SLC30A6: variants seen among roughly 807,000 people sequenced by gnomAD.
SLC30A6 encodes solute carrier family 30 member 6.
A neutral mutation model predicts 63.0 loss-of-function variants in SLC30A6; 55 were observed. The observed-to-expected ratio is 0.87, with a 90% CI of 0.70 to 1.09. SLC30A6 has a LOEUF of 1.09. Ranked by LOEUF, SLC30A6 falls within the 50% of genes least tolerant of loss-of-function variation. The pLI, the probability that SLC30A6 is intolerant of heterozygous loss-of-function variation, is 0.00. For synonymous variants in SLC30A6, 224 were observed against 186.1 expected (o/e 1.20, Z -1.66); for missense variants, 587 against 549.2 (o/e 1.07, Z -0.69).
In SLC30A6 at chr2:32,204,698, G is replaced by A. The variant is rs1178259505; in HGVS notation, c.768+6G>A. ...GTGGGAAAGTCTTACTCCAGGTAAG[G>A]TGCTTCTTCCAATGCACGTGCTTAA... On this transcript the variant is annotated splice_donor_region_variant and intron_variant, in intron 11 of 13. Coordinates refer to ENST00000282587, the MANE Select transcript of SLC30A6 (RefSeq NM_017964.5). 6 of 1,578,802 alleles carry A rather than the reference G, an allele frequency of 3.8e-6. No homozygotes were observed. The highest frequency in any genetic ancestry group is 5.2e-6 in the Non-Finnish European group (6 of 1,154,512).
intron 5 of SLC30A6, among the ~76,000 whole-genome samples, chr2:32,184,976 T>C (rs1174930744): frequency 1.3e-5 from 2 of 152,206 alleles, no homozygotes; most frequent in Non-Finnish European, 2.9e-5. Flanking sequence ...GTTAAATAAA[T>C]GTGATATAGT....
chr2:32,224,273 G>A lies in SLC30A6; in HGVS notation c.*3560G>A. ...TGACCCAGACCAAAGGTAACACAAA[G>A]ATGAATGAGAATTCCTTCAAGGCGC... On this transcript the variant is annotated 3_prime_UTR_variant, in exon 14 of 14. Transcript: ENST00000282587. 1.9e-6 allele frequency: 1 copy of A among 512,910 alleles called. No individual in the cohort carries two copies. The highest frequency in any genetic ancestry group is 3.1e-5 in the South Asian group (1 of 32,232). 31.8% of individuals were successfully genotyped at this position (512,910 alleles called of 1,614,324 possible). A position where few individuals can be genotyped will look rare whatever the true frequency, so the allele number is the denominator to read the frequency against.
intron 1 of SLC30A6, among the ~76,000 whole-genome samples, chr2:32,167,663 A>AACACAC (rs113548357): frequency 2.7e-5 from 4 of 150,660 alleles, no homozygotes; most frequent in African/African-American, 4.9e-5. Context: ...TATATGCACA[A>AACACAC]ACACACACAC....
At chr2:32,204,294 G>A (rs528008144) in intron 10 of SLC30A6, among the ~76,000 whole-genome samples, 138 of 152,156 alleles carry the variant, frequency 9.1e-4, no homozygotes, top group African/African-American at 3.3e-3. Flanking sequence ...CTAGTTGACA[G>A]ATAGTTTGAC....
chr2:32,194,614 GT>G (rs1239921371), intron 8 of SLC30A6, among the ~76,000 whole-genome samples: 1 of 152,192 alleles, frequency 6.6e-6, no homozygotes, highest in Non-Finnish European at 1.5e-5. Flanking sequence ...GAAAATAGAA[GT>G]GGGATGTGTG....
chr2:32,173,941 A>G, intron 2 of SLC30A6, 122 bp from the exon 3 acceptor site: 1 of 636,486 alleles, frequency 1.6e-6, no homozygotes, highest in Non-Finnish European at 2.5e-6. Context: ...AGTGTGACAC[A>G]GACTTTTTGA....
intron 5 of SLC30A6, among the ~76,000 whole-genome samples, chr2:32,187,806 G>T (rs1682969623): frequency 6.6e-6 from 1 of 152,224 alleles, no homozygotes; most frequent in African/African-American, 2.4e-5. Context: ...GTTGATTACT[G>T]TCTCTCATCA....
chr2:32,202,567 G>C (rs1684393219), intron 10 of SLC30A6: 1 of 378,774 alleles, frequency 2.6e-6, no homozygotes, highest in East Asian at 6.8e-5. Context: ...TCCTGACCTT[G>C]TGATCTGCCC....
At chr2:32,191,239 C>T (rs1056074050) in intron 5 of SLC30A6, among the ~76,000 whole-genome samples, 4 of 152,168 alleles carry the variant, frequency 2.6e-5, no homozygotes, top group African/African-American at 9.6e-5. Flanking sequence ...TTTATTTTTT[C>T]AGTAGCTGGA....
chr2:32,181,179 T>C (rs965614140), intron 4 of SLC30A6, among the ~76,000 whole-genome samples: 10 of 152,240 alleles, frequency 6.6e-5, no homozygotes, highest in Admixed American at 2.6e-4. Context: ...ATCAAACATA[T>C]TGAATGATTT....
At chr2:32,209,378 C>G in intron 12 of SLC30A6, 115 bp from the exon 13 acceptor site, 1 of 726,532 alleles carries the variant, frequency 1.4e-6, no homozygotes, top group Non-Finnish European at 2.3e-6. Context: ...AATGAGTGTC[C>G]TTGTGCAGGA....
At chr2:32,199,691 C>G (rs1450520510) in intron 10 of SLC30A6, among the ~76,000 whole-genome samples, 2 of 152,006 alleles carry the variant, frequency 1.3e-5, no homozygotes, top group Non-Finnish European at 2.9e-5. Context: ...CCCCCACATC[C>G]CCCCAATATT....
At position 32,204,613 on chromosome 2, in the gene SLC30A6, C is replaced by T; in HGVS notation, c.689C>T (p.Ala230Val). 1 of 1,611,132 alleles carries T rather than the reference C, an allele frequency of 6.2e-7. No homozygotes were observed. Among genetic ancestry groups the T allele is most frequent in the Non-Finnish European group, 8.5e-7 (1 of 1,178,244 alleles). ...EINNYFAVDT[A>V]SAIAIALMTF... ...AGTAATTATTTTGCCGTAGACACTG[C>T]CTCTGCTATAGCTATTGCCTTGATG... Residue 230 changes from alanine (A) to valine (V), a missense_variant, in exon 11 of 14, where the codon GCC (alanine) becomes GTC (valine). By Grantham distance (64) the Ala-to-Val change is moderately conservative. Transcript: ENST00000282587.
rs377463028 is a variant in SLC30A6, at chr2:32,173,581, A to G, written c.91-482A>G. ...GAGACGGGGTTTCACCATGTTGGCT[A>G]GGCTGATCTTGAACTCCTGACCTCC... On this transcript the variant is annotated intron_variant, in intron 2 of 13. Coordinates refer to ENST00000282587, the MANE Select transcript of SLC30A6 (RefSeq NM_017964.5). Among the ~76,000 whole-genome samples, 27 of 152,210 alleles carry G rather than the reference A, an allele frequency of 1.8e-4. No individual in the cohort carries two copies. In the South Asian group the frequency reaches 4.8e-3, roughly 27 times the overall value.
chr2:32,182,590 A>G (rs751416341), intron 4 of SLC30A6, among the ~76,000 whole-genome samples: 5 of 152,174 alleles, frequency 3.3e-5, no homozygotes, highest in Non-Finnish European at 5.9e-5. Context: ...GTAAGAATCA[A>G]ACTTCTCTTT....
chr2:32,190,913 G>A (rs1427795954), intron 5 of SLC30A6, among the ~76,000 whole-genome samples: 2 of 152,156 alleles, frequency 1.3e-5, no homozygotes, highest in South Asian at 2.1e-4. Flanking sequence ...GTGAGTCACC[G>A]CGCCTGGCTC....
At chr2:32,193,739 T>A (rs212751) in intron 7 of SLC30A6, 150 bp from the exon 8 acceptor site, 423,717 of 599,724 alleles carry the variant, frequency 0.71, 151,525 homozygotes, top group African/African-American at 0.79. Flanking sequence ...ATGGGGCTAG[T>A]AACTAAGTTC....
At chr2:32,183,167 A>C (rs763008572) in intron 4 of SLC30A6, among the ~76,000 whole-genome samples, 2 of 151,994 alleles carry the variant, frequency 1.3e-5, no homozygotes, top group Non-Finnish European at 2.9e-5. Flanking sequence ...AGCCTGGGCG[A>C]TAGAGTGAGA....
Position 32,204,690 on chromosome 2 carries a change from C to G in SLC30A6, c.766C>G (p.Gln256Glu). ...TGTGTACAGTGGGAAAGTCTTACTC[C>G]AGGTAAGGTGCTTCTTCCAATGCAC... is the stretch of plus-strand genomic sequence containing the variant. ...MSVYSGKVLL[Q>E]TTPPHVIGQL... The change falls in exon 11 of 14, where the codon CAG (glutamine) becomes GAG (glutamate). Residue 256 changes from glutamine (Q) to glutamate (E), a missense_variant and splice_region_variant. Coordinates refer to ENST00000282587, the MANE Select transcript of SLC30A6 (RefSeq NM_017964.5). The G allele has an allele frequency of 6.3e-7, 1 of 1,591,208 alleles. No homozygotes were observed. The highest frequency in any genetic ancestry group is 1.1e-5 in the South Asian group (1 of 87,818).
Sources: gnomAD v4.1 joint callset for allele counts (sites outside exome capture counted in the v4.1 genomes callset) on GRCh38, gnomAD v4.1.1 for gene constraint, MANE v1.5 for transcripts, NCBI Gene and HGNC (gene_info 2026-07-23, HGNC 2026-07-21) for gene names.